The following IL1RAPL1 variants were observed in gnomAD, a reference collection of about 807,000 sequenced individuals.
The protein encoded by IL1RAPL1 is interleukin 1 receptor accessory protein like 1.
A neutral mutation model predicts 48.4 loss-of-function variants in IL1RAPL1; 3 were observed. The observed-to-expected ratio is 0.06, with a 90% CI of 0.03 to 0.16. The LOEUF (loss-of-function observed/expected upper bound fraction) is 0.16, where lower values mean the gene tolerates loss of function less well. Among genes scored for constraint, IL1RAPL1 ranks in the 10% least tolerant of loss-of-function variants. IL1RAPL1 has a pLI of 1.00. For missense variants in IL1RAPL1, 349 were observed against 530.6 expected, an observed-to-expected ratio of 0.66 and a Z score of 3.36; for synonymous variants, 185 against 187.7, an observed-to-expected ratio of 0.99 and a Z score of 0.12.
intron 6 of IL1RAPL1, among the ~76,000 whole-genome samples, chrX:29,681,934 C>A (rs953247338): frequency 9.0e-6 from 1 of 110,591 alleles, no homozygotes; most frequent in African/African-American, 3.3e-5. Context: ...AATTACCAGA[C>A]TGCCAGCTTA....
rs1311939495 is a variant in IL1RAPL1, at chrX:29,396,312, C to T, written c.417C>T (p.Asp139=). The change falls in exon 4 of 11, where the codon GAC becomes GAT. Residue 139 remains aspartate, a synonymous_variant. Coordinates refer to ENST00000378993, the MANE Select transcript of IL1RAPL1 (RefSeq NM_014271.4). ...VSISLTVGEN[D]TGLCYNSKMK... ...TCTCACTGACAGTGGGTGAAAATGACACTGGACTCTGCTATAATTCCAAGA... is the reference window on the plus strand; with the variant it reads ...TCTCACTGACAGTGGGTGAAAATGATACTGGACTCTGCTATAATTCCAAGA... 1.7e-6 allele frequency: 2 copies of T among 1,206,842 alleles called. No individual in the cohort carries two copies. The highest frequency in any genetic ancestry group is 3.0e-5 in the East Asian group (1 of 33,843).
At chrX:29,157,795 C>T (rs958874797) in intron 2 of IL1RAPL1, among the ~76,000 whole-genome samples, 1 of 111,426 alleles carries the variant, frequency 9.0e-6, no homozygotes, top group African/African-American at 3.3e-5. Context: ...AGATAAAGCA[C>T]ATGAAGATTT....
chrX:29,810,123 A>G (rs1236140272), intron 6 of IL1RAPL1, among the ~76,000 whole-genome samples: 1 of 111,003 alleles, frequency 9.0e-6, no homozygotes. Context: ...GTTTAATTAC[A>G]TATGATTTCA....
rs1313544528 is a variant in IL1RAPL1 at position 28,917,546 on chromosome X, T to G, written c.82+128121T>G. ...TTGTGGGCTGATGGTTCAAGTACAGTGATTCAGTGATTCTTAGTAGGGGAG... is the reference window on the plus strand; with the variant it reads ...TTGTGGGCTGATGGTTCAAGTACAGGGATTCAGTGATTCTTAGTAGGGGAG... On this transcript the variant is annotated intron_variant, in intron 2 of 10. Coordinates refer to ENST00000378993, the MANE Select transcript of IL1RAPL1 (RefSeq NM_014271.4). Among the ~76,000 whole-genome samples, 3 of 111,741 alleles carry G rather than the reference T, an allele frequency of 2.7e-5. No homozygotes were observed. The East Asian group carries it at 8.4e-4, about 31-fold the overall frequency.
intron 6 of IL1RAPL1, among the ~76,000 whole-genome samples, chrX:29,809,482 A>G (rs1290520376): frequency 1.8e-5 from 2 of 111,017 alleles, no homozygotes; most frequent in Non-Finnish European, 3.8e-5. Context: ...AACTTACGAA[A>G]TCTACTTTTA....
intron 6 of IL1RAPL1, among the ~76,000 whole-genome samples, chrX:29,801,076 A>AAAAAAAAAAAAAAAAAC (rs1569172133): frequency 1.1e-5 from 1 of 87,015 alleles, no homozygotes; most frequent in African/African-American, 5.6e-5. Flanking sequence ...AAAAAAAAAA[A>AAAAAAAAAAAAAAAAAC]AAAACTCATC....
chrX:29,868,943 G>A (rs890219801), intron 6 of IL1RAPL1, among the ~76,000 whole-genome samples: 4 of 111,644 alleles, frequency 3.6e-5, no homozygotes, highest in Non-Finnish European at 7.5e-5. Flanking sequence ...TCAACCGGTT[G>A]GAATTTCAGG....
rs112129233 is a variant in IL1RAPL1, at chrX:28,746,946, G to A, written c.-24-42374G>A. 1.2e-3 allele frequency among the ~76,000 whole-genome samples: 128 copies of A among 110,678 alleles called. No individual in the cohort carries two copies. In the Middle Eastern group the frequency reaches 0.014, roughly 12 times the overall value. On this transcript the variant is annotated intron_variant, in intron 1 of 10. Transcript: ENST00000378993. ...TAACGCCATTCTTTTCTTCTAATGC[G>A]TTCTCCTGTTTGAATAATCATGTTC...
chrX:29,803,085 G>GTACATA (rs1185301236), intron 6 of IL1RAPL1, among the ~76,000 whole-genome samples: 8 of 81,273 alleles, frequency 9.8e-5, no homozygotes, highest in Non-Finnish European at 1.6e-4. Flanking sequence ...ACATATATGT[G>GTACATA]TATATGTATA....
At chrX:29,265,844 G>A (rs1175642864) in intron 2 of IL1RAPL1, among the ~76,000 whole-genome samples, 1 of 109,533 alleles carries the variant, frequency 9.1e-6, no homozygotes, top group African/African-American at 3.3e-5. Context: ...GTGTATATGT[G>A]CCACCATCCA....
At chrX:28,758,266 G>T (rs1476150108) in intron 1 of IL1RAPL1, among the ~76,000 whole-genome samples, 1 of 111,451 alleles carries the variant, frequency 9.0e-6, no homozygotes, top group Non-Finnish European at 1.9e-5. Flanking sequence ...AGATGACAAG[G>T]GGAATAAAAG....
intron 3 of IL1RAPL1, among the ~76,000 whole-genome samples, chrX:29,301,869 G>A (rs1016511371): frequency 2.7e-5 from 3 of 111,121 alleles, no homozygotes; most frequent in African/African-American, 9.8e-5. Flanking sequence ...GAGGCTACAC[G>A]AGATAGATCT....
At chrX:29,710,776 A>G (rs1293503756) in intron 6 of IL1RAPL1, among the ~76,000 whole-genome samples, 2 of 107,378 alleles carry the variant, frequency 1.9e-5, no homozygotes, top group Non-Finnish European at 3.8e-5. Flanking sequence ...TCCTGTATGT[A>G]TACCTTACTA....
intron 5 of IL1RAPL1, among the ~76,000 whole-genome samples, chrX:29,647,768 CA>C (rs1432042653): frequency 9.0e-6 from 1 of 111,122 alleles, no homozygotes; most frequent in African/African-American, 3.3e-5. Flanking sequence ...AGCTCGAAAA[CA>C]GTGAAAATAA....
chrX:28,945,903 ATGTGTG>A lies in IL1RAPL1; in HGVS notation c.82+156496_82+156501del, dbSNP rs202162763. Among the ~76,000 whole-genome samples, 6 of 97,653 alleles carry A rather than the reference ATGTGTG, an allele frequency of 6.1e-5. No homozygotes were observed. In the East Asian group the frequency reaches 1.7e-3, roughly 27 times the overall value. The allele number at this position is 97,653 out of a possible 115,157, so 84.8% of individuals were successfully genotyped here. The stretch of plus-strand genomic sequence containing the variant: ...TATATGTATGTATATATATATATAT[ATGTGTG>A]TGTGTGTGTGTGTGTGTATACACTC... On this transcript the variant is annotated intron_variant, in intron 2 of 10. Coordinates refer to ENST00000378993, the MANE Select transcript of IL1RAPL1 (RefSeq NM_014271.4).
chrX:29,104,396 A>T, intron 2 of IL1RAPL1, among the ~76,000 whole-genome samples: 1 of 111,907 alleles, frequency 8.9e-6, no homozygotes, highest in South Asian at 3.7e-4. Flanking sequence ...GCATGTTCTC[A>T]CTTATTTGTG....
intron 5 of IL1RAPL1, among the ~76,000 whole-genome samples, chrX:29,647,513 A>G (rs868390074): frequency 6.3e-5 from 7 of 111,709 alleles, no homozygotes; most frequent in Admixed American, 3.8e-4. Flanking sequence ...CAAAAATTCA[A>G]AATATGAGTG....
intron 2 of IL1RAPL1, among the ~76,000 whole-genome samples, chrX:28,984,441 A>G (rs769058694): frequency 9.0e-6 from 1 of 111,570 alleles, no homozygotes; most frequent in Non-Finnish European, 1.9e-5. Context: ...AAAACGACCT[A>G]TAAGAAACTA....
intron 6 of IL1RAPL1, among the ~76,000 whole-genome samples, chrX:29,862,913 G>A (rs1456093484): frequency 9.6e-6 from 1 of 104,607 alleles, no homozygotes; most frequent in Non-Finnish European, 1.9e-5. Context: ...TGTTTAGCCA[G>A]GTGATTGCCG....
Sources: gnomAD v4.1 joint callset for allele counts (sites outside exome capture counted in the v4.1 genomes callset) on GRCh38, gnomAD v4.1.1 for gene constraint, MANE v1.5 for transcripts, NCBI Gene and HGNC (gene_info 2026-07-23, HGNC 2026-07-21) for gene names.